NINJ1: variants seen among roughly 807,000 people sequenced by gnomAD.
The protein encoded by NINJ1 is ninjurin-1.
In NINJ1, 6 loss-of-function variants were observed where a neutral mutation model predicts 12.7. The ratio of observed to expected loss-of-function variants is 0.47; its 90% CI spans 0.26 to 0.93. NINJ1 has a LOEUF of 0.93. Among genes scored for constraint, NINJ1 ranks in the 40% least tolerant of loss-of-function variants. The pLI is 0.15. For synonymous variants in NINJ1, 100 were observed against 96.0 expected, an observed-to-expected ratio of 1.04 and a Z score of -0.25; for missense variants, 170 against 213.0, an observed-to-expected ratio of 0.80 and a Z score of 1.26.
In NINJ1 at chr9:93,125,058, C is replaced by T. The variant is rs1410661345; in HGVS notation, c.309G>A (p.Lys103=). Residue 103 remains lysine (K), a synonymous_variant, in exon 3 of 4, where the codon AAG becomes AAA. Transcript: ENST00000375446. ...GVGVLLIFLV[K]YDLNNPAKHA... ...GCTTGGCCGGGTTGTTAAGGTCGTA[C>T]TTGACTGTGGGCGAGAGAGGAGTGG... 2.5e-6 allele frequency: 4 copies of T among 1,611,450 alleles called. No homozygotes were observed. Among genetic ancestry groups the T allele is most frequent in the Admixed American group, 3.3e-5 (2 of 59,742 alleles).
In NINJ1 at chr9:93,126,575, C is replaced by A. The variant is rs749272000; in HGVS notation, c.139G>T (p.Ala47Ser). Residue 47 changes from alanine to serine, a missense_variant, in exon 2 of 4, where the codon GCA becomes TCA. Coordinates refer to ENST00000375446, the MANE Select transcript of NINJ1 (RefSeq NM_004148.4). The part of the protein sequence containing the change: ...NVNHYASKKS[A>S]AESMLDIALL... ...GCGATGTCCAGCATGCTCTCGGCTG[C>A]GCTCTTCTTGCTGGCGTAATGGTTC... The A allele has an allele frequency of 6.8e-6, 11 of 1,613,784 alleles. 1 individual carries two copies. In the South Asian group the frequency reaches 1.1e-4, roughly 16 times the overall value.
chr9:93,126,977 T>G (rs1465360366), intron 1 of NINJ1, among the ~76,000 whole-genome samples: 1 of 152,046 alleles, frequency 6.6e-6, no homozygotes, highest in African/African-American at 2.4e-5. Context: ...TACCGGTCTG[T>G]GCCCCCGGCC....
rs7023996 is a variant in NINJ1 at position 93,128,545 on chromosome 9, G to A, written c.76-1907C>T. Among the ~76,000 whole-genome samples the A allele has an allele frequency of 4.1e-3, 618 of 152,348 alleles. 2 individuals carry two copies. The highest frequency in any genetic ancestry group is 0.013 in the African/African-American group (529 of 41,576). On this transcript the variant is annotated intron_variant, in intron 1 of 3. Transcript: ENST00000375446. ...AGGTCGTCTCCAGTTCTGCTCTTGC[G>A]AAGCTGCCCAGTGGGCCACACCCCA...
intron 1 of NINJ1, among the ~76,000 whole-genome samples, chr9:93,131,299 C>A (rs1355198659): frequency 2.0e-5 from 3 of 152,238 alleles, no homozygotes; most frequent in African/African-American, 7.2e-5. Context: ...CCACTTCCCG[C>A]GGACTCAGCA....
chr9:93,133,714 G>C (rs1193534243), intron 1 of NINJ1, among the ~76,000 whole-genome samples: 1 of 152,254 alleles, frequency 6.6e-6, no homozygotes, highest in Non-Finnish European at 1.5e-5. Context: ...CCCGGAGGCT[G>C]TGACTCCCCT....
intron 2 of NINJ1, chr9:93,126,138 A>C (rs527448030): frequency 6.3e-4 from 302 of 480,604 alleles, no homozygotes; most frequent in African/African-American, 5.3e-3. Context: ...TGCAGCTTGC[A>C]GTGAGCCGAG....
At chr9:93,127,861 G>A (rs1418434913) in intron 1 of NINJ1, among the ~76,000 whole-genome samples, 1 of 152,236 alleles carries the variant, frequency 6.6e-6, no homozygotes, top group Non-Finnish European at 1.5e-5. Flanking sequence ...CCGGGGTGCC[G>A]CAGGGCCACA....
rs1827943879 is a variant in NINJ1 at position 93,134,231 on chromosome 9, AG to A, written c.-15del. 6.8e-7 allele frequency: 1 copy of A among 1,466,964 alleles called. No homozygotes were observed. The highest frequency in any genetic ancestry group is 9.1e-7 in the Non-Finnish European group (1 of 1,098,052). 90.9% of individuals were successfully genotyped at this position (1,466,964 alleles called of 1,614,324 possible). A position where few individuals can be genotyped will look rare whatever the true frequency, so the allele number is the denominator to read the frequency against. ...TCCCGAGTCCATGGTGCGGCCGCCCAGGCCGCCAGGATCCGGGCCTGAGCGC... is the reference window on the plus strand; with the variant it reads ...TCCCGAGTCCATGGTGCGGCCGCCCAGCCGCCAGGATCCGGGCCTGAGCGC... On this transcript the variant is annotated 5_prime_UTR_variant, in exon 1 of 4. Transcript: ENST00000375446.
At chr9:93,131,300 G>C (rs761937366) in intron 1 of NINJ1, among the ~76,000 whole-genome samples, 2 of 152,256 alleles carry the variant, frequency 1.3e-5, no homozygotes, top group Non-Finnish European at 2.9e-5. Flanking sequence ...CACTTCCCGC[G>C]GACTCAGCAC....
Position 93,121,979 on chromosome 9 carries a change from CTAT to C in NINJ1, c.*258_*260del, listed in dbSNP as rs968851808. ...AGCTGTCCAGTTCTGACCCTCTGGG[CTAT>C]TGTGGCCAGCCCCCATGTGCCAGGA... On this transcript the variant is annotated 3_prime_UTR_variant, in exon 4 of 4. Transcript: ENST00000375446. 4 of 152,318 alleles carry C rather than the reference CTAT, an allele frequency of 2.6e-5. No homozygotes were observed. The highest frequency in any genetic ancestry group is 9.6e-5 in the African/African-American group (4 of 41,466). 9.4% of individuals were successfully genotyped at this position (152,318 alleles called of 1,614,324 possible). A position where few individuals can be genotyped will look rare whatever the true frequency, so the allele number is the denominator to read the frequency against.
chr9:93,131,112 C>T (rs1827886994), intron 1 of NINJ1, among the ~76,000 whole-genome samples: 1 of 152,250 alleles, frequency 6.6e-6, no homozygotes, highest in Non-Finnish European at 1.5e-5. Context: ...CCCCAGATGC[C>T]ACACAGACAG....
chr9:93,131,586 C>T (rs1036657211), intron 1 of NINJ1: 4 of 152,260 alleles, frequency 2.6e-5, no homozygotes, highest in Admixed American at 1.3e-4. Flanking sequence ...TGGCCGTGTC[C>T]TAACCCCATC....
Position 93,126,516 on chromosome 9 carries a change from G to C in NINJ1, c.198C>G (p.Ala66=). The part of the protein sequence containing the change: ...LLMANASQLK[A]VVEQGPSFAF... ...CGAAGCTGGGGCCCTGTTCCACGAC[G>C]GCCTTCAGCTGGGACGCGTTGGCCA... The change falls in exon 2 of 4, where the codon GCC becomes GCG. Residue 66 remains alanine, a synonymous_variant. Coordinates refer to ENST00000375446, the MANE Select transcript of NINJ1 (RefSeq NM_004148.4). The C allele has an allele frequency of 6.2e-7, 1 of 1,614,188 alleles. No homozygotes were observed. Among genetic ancestry groups the C allele is most frequent in the South Asian group, 1.1e-5 (1 of 91,086 alleles).
chr9:93,126,733 A>T (rs1467765884), intron 1 of NINJ1, 95 bp from the exon 2 acceptor site: 1 of 920,936 alleles, frequency 1.1e-6, no homozygotes, highest in African/African-American at 1.7e-5. Context: ...CCTGCAGGTG[A>T]GGGCTTCCCT....
At chr9:93,126,059 T>G in intron 2 of NINJ1, 1 of 269,966 alleles carries the variant, frequency 3.7e-6, no homozygotes, top group East Asian at 8.1e-5. Context: ...TAGCCGGGCA[T>G]GGTGATGAGC....
At chr9:93,125,711 G>C (rs572551312) in intron 2 of NINJ1, 1 of 153,434 alleles carries the variant, frequency 6.5e-6, no homozygotes, top group East Asian at 1.9e-4. Flanking sequence ...GAGCCCAGGA[G>C]TTTGAGACCA....
In NINJ1 at chr9:93,125,054, C is replaced by A; in HGVS notation, c.313G>T (p.Asp105Tyr). 6.2e-7 allele frequency: 1 copy of A among 1,611,984 alleles called. No individual in the cohort carries two copies. The highest frequency in any genetic ancestry group is 1.1e-5 in the South Asian group (1 of 90,732). ...GVLLIFLVKY[D>Y]LNNPAKHAKL... ...GCGTGCTTGGCCGGGTTGTTAAGGTCGTACTTGACTGTGGGCGAGAGAGGA... is the reference window on the plus strand; with the variant it reads ...GCGTGCTTGGCCGGGTTGTTAAGGTAGTACTTGACTGTGGGCGAGAGAGGA... The change falls in exon 3 of 4, where the codon GAC becomes TAC. Residue 105 changes from aspartate (D) to tyrosine (Y), a missense_variant. Asp to Tyr is a radical substitution (Grantham distance 160). Coordinates refer to ENST00000375446, the MANE Select transcript of NINJ1 (RefSeq NM_004148.4).
chr9:93,126,251 G>A (rs1170154247), intron 2 of NINJ1, 159 bp downstream of exon 2: 3 of 579,414 alleles, frequency 5.2e-6, no homozygotes, highest in Non-Finnish European at 9.0e-6. Flanking sequence ...GGGAGGGGGG[G>A]TGCCACTTCC....
intron 1 of NINJ1, among the ~76,000 whole-genome samples, chr9:93,127,423 T>C (rs1302064958): frequency 1.3e-5 from 2 of 152,130 alleles, no homozygotes; most frequent in African/African-American, 4.8e-5. Flanking sequence ...AAGCCCCCAA[T>C]GCCTTTCCCT....
Sources: gnomAD v4.1 joint callset for allele counts (sites outside exome capture counted in the v4.1 genomes callset) on GRCh38, gnomAD v4.1.1 for gene constraint, MANE v1.5 for transcripts, NCBI Gene and HGNC (gene_info 2026-07-23, HGNC 2026-07-21) for gene names.